The following CNTN4 variants were observed in gnomAD, a reference collection of about 807,000 sequenced individuals.
The protein encoded by CNTN4 is contactin 4.
A neutral mutation model predicts 122.5 loss-of-function variants in CNTN4; 77 were observed. The ratio of observed to expected loss-of-function variants is 0.63; its 90% CI spans 0.52 to 0.76. The LOEUF (loss-of-function observed/expected upper bound fraction) is 0.76, where lower values mean the gene tolerates loss of function less well. Among genes scored for constraint, CNTN4 ranks in the 30% least tolerant of loss-of-function variants. CNTN4 has a pLI of 0.00. For missense variants in CNTN4, 1,256 were observed against 1,259.1 expected (o/e 1.00, Z 0.04); for synonymous variants, 512 against 447.0 (o/e 1.15, Z -1.83).
intron 2 of CNTN4, among the ~76,000 whole-genome samples, chr3:2,306,705 G>T (rs2042721328): frequency 6.6e-6 from 1 of 151,962 alleles, no homozygotes; most frequent in Admixed American, 6.6e-5. Context: ...AAATCAATTT[G>T]GAGGTATTGC....
At chr3:2,703,634 A>G (rs1665439939) in intron 4 of CNTN4, among the ~76,000 whole-genome samples, 1 of 152,164 alleles carries the variant, frequency 6.6e-6, no homozygotes, top group African/African-American at 2.4e-5. Context: ...CCCAAACTAG[A>G]AACTATAGAT....
At chr3:2,360,994 G>A (rs1273935466) in intron 3 of CNTN4, among the ~76,000 whole-genome samples, 3 of 152,154 alleles carry the variant, frequency 2.0e-5, no homozygotes, top group Admixed American at 2.0e-4. Context: ...TGTTATAAAT[G>A]TTCACTGTGG....
In CNTN4 at chr3:2,126,271, A is replaced by G. The variant is rs553902869; in HGVS notation, c.-145+25632A>G. Among the ~76,000 whole-genome samples, 18 of 152,310 alleles carry G rather than the reference A, an allele frequency of 1.2e-4. No individual in the cohort carries two copies. The East Asian group carries it at 3.5e-3, about 29-fold the overall frequency. On this transcript the variant is annotated intron_variant, in intron 2 of 24. Coordinates refer to ENST00000418658, the MANE Select transcript of CNTN4 (RefSeq NM_175607.3). ...CTATATGTTAGGATGTCCATACTGC[A>G]TATAGCTCCTTAAGATAATGGACTA...
intron 3 of CNTN4, among the ~76,000 whole-genome samples, chr3:2,386,370 G>C (rs897081200): frequency 1.3e-5 from 2 of 152,106 alleles, no homozygotes; most frequent in African/African-American, 4.8e-5. Flanking sequence ...TTTTCTGTCT[G>C]GGCCTGTTTT....
intron 2 of CNTN4, among the ~76,000 whole-genome samples, chr3:2,166,596 C>T (rs2036204901): frequency 6.6e-6 from 1 of 152,002 alleles, no homozygotes; most frequent in African/African-American, 2.4e-5. Flanking sequence ...AAAGGATCCT[C>T]AACTGCAAGG....
At chr3:2,716,402 A>G (rs948679529) in intron 4 of CNTN4, among the ~76,000 whole-genome samples, 3 of 151,800 alleles carry the variant, frequency 2.0e-5, no homozygotes, top group African/African-American at 7.2e-5. Context: ...GAGATACTCT[A>G]TGTAAAGCAC....
intron 2 of CNTN4, among the ~76,000 whole-genome samples, chr3:2,291,307 G>T (rs560129333): frequency 6.6e-6 from 1 of 152,066 alleles, no homozygotes; most frequent in Non-Finnish European, 1.5e-5. Flanking sequence ...TGAATCTTAT[G>T]GAGAATTCCA....
chr3:2,617,515 G>A (rs111603739), intron 4 of CNTN4, among the ~76,000 whole-genome samples: 9,432 of 142,506 alleles, frequency 0.066, 976 homozygotes, highest in African/African-American at 0.23. Context: ...CCACCTCCCG[G>A]GTTCAAGTGA....
intron 4 of CNTN4, among the ~76,000 whole-genome samples, chr3:2,733,725 G>T (rs374578097): frequency 2.0e-5 from 3 of 151,670 alleles, no homozygotes; most frequent in African/African-American, 7.3e-5. Context: ...TAGTAGTGAT[G>T]GGGTTTCACT....
At chr3:3,045,907 A>G (rs6774382) in intron 23 of CNTN4, among the ~76,000 whole-genome samples, 11,221 of 152,280 alleles carry the variant, frequency 0.074, 620 homozygotes, top group Admixed American at 0.11. Context: ...GGCTAACTAG[A>G]CTAACCAATG....
In CNTN4 at chr3:2,271,105, G is replaced by A. The variant is rs540546389; in HGVS notation, c.-144-68073G>A. On this transcript the variant is annotated intron_variant, in intron 2 of 24. Transcript: ENST00000418658. ...GAAATATCATGCTGTTTCTGTAAAC[G>A]GTTTGGTGTCTCCATATAATAAAAC... Among the ~76,000 whole-genome samples, 8 of 125,884 alleles carry A rather than the reference G, an allele frequency of 6.4e-5. No individual in the cohort carries two copies. The South Asian group carries it at 7.5e-4, about 12-fold the overall frequency. The allele number at this position is 125,884 out of a possible 152,430, so 82.6% of individuals were successfully genotyped here.
chr3:2,370,793 C>T (rs897440461), intron 3 of CNTN4, among the ~76,000 whole-genome samples: 5 of 152,060 alleles, frequency 3.3e-5, no homozygotes, highest in Admixed American at 3.3e-4. Context: ...TTTCTATCAA[C>T]CAGAAGGTGA....
intron 3 of CNTN4, among the ~76,000 whole-genome samples, chr3:2,541,706 A>G (rs2078036890): frequency 6.6e-6 from 1 of 152,148 alleles, no homozygotes; most frequent in Non-Finnish European, 1.5e-5. Flanking sequence ...AAGCAAGCAC[A>G]GTAGCATCTA....
intron 5 of CNTN4, among the ~76,000 whole-genome samples, chr3:2,738,398 C>G (rs79743384): frequency 0.015 from 2,335 of 152,194 alleles, 27 homozygotes; most frequent in Non-Finnish European, 0.025. Context: ...TCTTTTAAAG[C>G]AAAACAAAAT....
chr3:2,386,243 C>T (rs1265582157), intron 3 of CNTN4, among the ~76,000 whole-genome samples: 1 of 151,290 alleles, frequency 6.6e-6, no homozygotes, highest in Non-Finnish European at 1.5e-5. Flanking sequence ...TGCTTGAATT[C>T]TGACTGGATT....
chr3:2,142,915 C>T (rs545548173), intron 2 of CNTN4, among the ~76,000 whole-genome samples: 1 of 152,270 alleles, frequency 6.6e-6, no homozygotes, highest in East Asian at 1.9e-4. Context: ...TTTGCAATTG[C>T]CAGGCAATGA....
chr3:3,001,027 A>C (rs991782697), intron 14 of CNTN4, among the ~76,000 whole-genome samples: 2 of 152,048 alleles, frequency 1.3e-5, no homozygotes, highest in African/African-American at 4.8e-5. Flanking sequence ...TCCGTTTTCT[A>C]TTTAATCATA....
chr3:2,716,736 A>G (rs1252097944), intron 4 of CNTN4, among the ~76,000 whole-genome samples: 2 of 152,108 alleles, frequency 1.3e-5, no homozygotes, highest in Non-Finnish European at 1.5e-5. Flanking sequence ...GAATATTTCC[A>G]TTACCCCCAA....
At chr3:2,178,918 C>T (rs897741927) in intron 2 of CNTN4, among the ~76,000 whole-genome samples, 3 of 151,986 alleles carry the variant, frequency 2.0e-5, no homozygotes, top group African/African-American at 7.2e-5. Context: ...AAAAAATCTG[C>T]AAATAGCAGA....
Sources: gnomAD v4.1 joint callset for allele counts (sites outside exome capture counted in the v4.1 genomes callset) on GRCh38, gnomAD v4.1.1 for gene constraint, MANE v1.5 for transcripts, NCBI Gene and HGNC (gene_info 2026-07-23, HGNC 2026-07-21) for gene names.